The following PKP2 variants were observed in gnomAD, a reference collection of about 807,000 sequenced individuals.
The protein encoded by PKP2 is plakophilin-2.
PKP2 carries 73 observed loss-of-function variants against 83.4 expected under a neutral mutation model. The observed-to-expected ratio is 0.88, with a 90% CI of 0.72 to 1.06. PKP2 has a LOEUF of 1.06. PKP2 is among the 50% of genes least tolerant of loss of function. The pLI is 0.00. For missense variants in PKP2, 966 were observed against 1,065.4 expected (o/e 0.91, Z 1.30); for synonymous variants, 409 against 430.4 (o/e 0.95, Z 0.62).
intron 9 of PKP2, chr12:32,820,673 C>T (rs1956366981): frequency 1.3e-5 from 2 of 152,782 alleles, no homozygotes; most frequent in South Asian, 2.1e-4. Context: ...CATTTCAGCC[C>T]ATGTGGTACA....
intron 1 of PKP2, among the ~76,000 whole-genome samples, chr12:32,880,686 C>A (rs999410988): frequency 3.3e-5 from 5 of 152,134 alleles, no homozygotes; most frequent in Non-Finnish European, 7.3e-5. Flanking sequence ...TCAACTGATG[C>A]CTGTCTCATA....
chr12:32,883,485 C>T (rs1055706298), intron 1 of PKP2, among the ~76,000 whole-genome samples: 5 of 152,032 alleles, frequency 3.3e-5, no homozygotes, highest in African/African-American at 7.2e-5. Context: ...ATCGTGATGA[C>T]CGTTGAACAT....
At chr12:32,824,966 C>T (rs1301812264) in intron 6 of PKP2, among the ~76,000 whole-genome samples, 1 of 152,076 alleles carries the variant, frequency 6.6e-6, no homozygotes, top group East Asian at 1.9e-4. Context: ...ATTATTGTTA[C>T]TACCTTCCTT....
At chr12:32,798,084 G>GTTTTTTTT (rs10623676) in intron 10 of PKP2, among the ~76,000 whole-genome samples, 15 of 124,146 alleles carry the variant, frequency 1.2e-4, no homozygotes, top group African/African-American at 4.3e-4. Context: ...TACTACTCTT[G>GTTTTTTTT]TTTTTTTTTT....
chr12:32,806,094 T>G (rs1230666580), intron 9 of PKP2, among the ~76,000 whole-genome samples: 1 of 152,224 alleles, frequency 6.6e-6, no homozygotes, highest in East Asian at 1.9e-4. Context: ...CTTTTTGATA[T>G]GCTGCTAGAT....
chr12:32,796,835 T>C (rs1302804936), intron 10 of PKP2, among the ~76,000 whole-genome samples: 1 of 152,172 alleles, frequency 6.6e-6, no homozygotes, highest in Non-Finnish European at 1.5e-5. Flanking sequence ...CAGAGTGTAA[T>C]TTGGCAGAAA....
intron 10 of PKP2, among the ~76,000 whole-genome samples, chr12:32,798,246 G>A (rs549047269): frequency 2.7e-5 from 4 of 145,894 alleles, no homozygotes; most frequent in Non-Finnish European, 4.5e-5. Context: ...CACCATGCCC[G>A]GCTAATTTTT....
At chr12:32,793,250 T>C (rs1415002329) in intron 11 of PKP2, among the ~76,000 whole-genome samples, 1 of 151,918 alleles carries the variant, frequency 6.6e-6, no homozygotes, top group African/African-American at 2.4e-5. Flanking sequence ...AAAATAATAA[T>C]AATAATAATA....
In PKP2 at chr12:32,796,313, A is replaced by G. The variant is rs1384425691; in HGVS notation, c.2168-15T>C. On this transcript the variant is annotated splice_polypyrimidine_tract_variant and intron_variant, in intron 10 of 12. Transcript: ENST00000340811. ...AGTTTCTTTGGCTACAAAATGAAAA[A>G]AAAAACAAAACACTTGATTAAAAAG... 2 of 1,589,360 alleles carry G rather than the reference A, an allele frequency of 1.3e-6. No individual in the cohort carries two copies. The highest frequency in any genetic ancestry group is 1.7e-6 in the Non-Finnish European group (2 of 1,164,684).
At chr12:32,824,687 G>T (rs1956416817) in intron 6 of PKP2, among the ~76,000 whole-genome samples, 1 of 152,158 alleles carries the variant, frequency 6.6e-6, no homozygotes, top group Non-Finnish European at 1.5e-5. Context: ...GCTCTAAAAT[G>T]CGATTATTTT....
intron 4 of PKP2, among the ~76,000 whole-genome samples, chr12:32,855,417 CT>C (rs1278930196): frequency 1.3e-5 from 2 of 152,132 alleles, no homozygotes; most frequent in Non-Finnish European, 2.9e-5. Flanking sequence ...CTACCATCAC[CT>C]TTAACAATGT....
chr12:32,878,081 T>G lies in PKP2; in HGVS notation c.799A>C (p.Thr267Pro), dbSNP rs1481917206. ...ACCAGCGGCCTGACCTGCCCGACAG[T>G]GAGCCCTGCCGTCAGGTAGTTCTCC... ...EKENYLTAGL[T>P]VGQVRPLVPL... Residue 267 changes from threonine (T) to proline (P), a missense_variant, in exon 3 of 13, where the codon ACT becomes CCT. Coordinates refer to ENST00000340811, the MANE Select transcript of PKP2 (RefSeq NM_001005242.3). 2 of 1,614,002 alleles carry G rather than the reference T, an allele frequency of 1.2e-6. No homozygotes were observed. Among genetic ancestry groups the G allele is most frequent in the Admixed American group, 1.7e-5 (1 of 60,008 alleles).
In PKP2 at chr12:32,822,634, G is replaced by A. The variant is rs1592737932; in HGVS notation, c.1675-3C>T. ...ATGCACACACAATTCTCCGTGGCCT[G>A]AGAAAACAGGACAAGAATATTGATC... On this transcript the variant is annotated splice_region_variant and splice_polypyrimidine_tract_variant and intron_variant, in intron 7 of 12. Transcript: ENST00000340811. 1.2e-6 allele frequency: 2 copies of A among 1,613,846 alleles called. No homozygotes were observed. Among genetic ancestry groups the A allele is most frequent in the Non-Finnish European group, 1.7e-6 (2 of 1,179,806 alleles).
At chr12:32,836,502 C>CCACAG (rs1956546441) in intron 6 of PKP2, among the ~76,000 whole-genome samples, 2 of 152,306 alleles carry the variant, frequency 1.3e-5, no homozygotes, top group South Asian at 4.1e-4. Flanking sequence ...AGCACCATTG[C>CCACAG]CACATGCAGA....
chr12:32,873,748 T>G (rs895860118), intron 3 of PKP2, among the ~76,000 whole-genome samples: 2 of 152,076 alleles, frequency 1.3e-5, no homozygotes, highest in African/African-American at 4.8e-5. Flanking sequence ...CAGGCTGGTC[T>G]CAAACTCCTG....
At chr12:32,815,590 CAAAT>C (rs1158708503) in intron 9 of PKP2, among the ~76,000 whole-genome samples, 1 of 152,124 alleles carries the variant, frequency 6.6e-6, no homozygotes, top group Non-Finnish European at 1.5e-5. Flanking sequence ...GATGGGGAAT[CAAAT>C]AAAGTCACAA....
intron 1 of PKP2, among the ~76,000 whole-genome samples, chr12:32,886,166 C>T (rs79828507): frequency 0.017 from 2,525 of 152,232 alleles, 51 homozygotes; most frequent in African/African-American, 0.047. Flanking sequence ...TGTGGATTCA[C>T]GATGGTCTTT....
intron 9 of PKP2, among the ~76,000 whole-genome samples, chr12:32,817,342 A>G (rs1164285333): frequency 6.6e-6 from 1 of 152,252 alleles, no homozygotes; most frequent in Non-Finnish European, 1.5e-5. Flanking sequence ...AAGAAAACCT[A>G]CGAAACACCA....
chr12:32,848,802 T>C (rs1956670833), intron 5 of PKP2, among the ~76,000 whole-genome samples: 1 of 152,128 alleles, frequency 6.6e-6, no homozygotes, highest in South Asian at 2.1e-4. Flanking sequence ...AAATGAATGT[T>C]GAATTTTTTA....
Sources: gnomAD v4.1 joint callset for allele counts (sites outside exome capture counted in the v4.1 genomes callset) on GRCh38, gnomAD v4.1.1 for gene constraint, MANE v1.5 for transcripts, NCBI Gene and HGNC (gene_info 2026-07-23, HGNC 2026-07-21) for gene names.